SETD2: variants seen among roughly 807,000 people sequenced by gnomAD.
SETD2 encodes SET domain containing 2, histone lysine methyltransferase.
SETD2 carries 31 observed loss-of-function variants against 242.1 expected under a neutral mutation model. That is an observed-to-expected ratio of 0.13 (90% CI 0.10 to 0.17). SETD2 has a LOEUF of 0.17. Ranked by LOEUF, SETD2 falls within the 10% of genes least tolerant of loss-of-function variation. SETD2 has a pLI of 1.00. For missense variants in SETD2, 2,481 were observed against 3,046.3 expected (o/e 0.81, Z 4.37); for synonymous variants, 1,006 against 1,066.5 (o/e 0.94, Z 1.11).
intron 16 of SETD2, 35 bp downstream of exon 16, chr3:47,046,452 A>C: frequency 6.6e-7 from 1 of 1,514,316 alleles, no homozygotes; most frequent in Non-Finnish European, 8.9e-7. Flanking sequence ...CAAAGTAGAC[A>C]GCCAATGAGT....
At position 47,120,320 on chromosome 3, in the gene SETD2, G is replaced by T. The variant is rs2107740269; in HGVS notation, c.4316C>A (p.Pro1439His). The part of the protein sequence containing the change: ...VEVEQGETSV[P>H]PGSALVGPSC... ...GGGCCCAACCAGTGCTGAACCTGGG[G>T]GCACTGATGTCTCTCCCTGCTCTAC... Residue 1439 changes from proline to histidine, a missense_variant, in exon 3 of 21, where the codon CCC (proline) becomes CAC (histidine). By Grantham distance (77) the Pro-to-His change is moderately conservative. This residue lies in a region of SETD2 where 1,300 missense variants were observed against 1,259.2 expected (regional missense o/e 1.03). Transcript: ENST00000409792. 1 of 1,613,870 alleles carries T rather than the reference G, an allele frequency of 6.2e-7. No individual in the cohort carries two copies. The highest frequency in any genetic ancestry group is 8.5e-7 in the Non-Finnish European group (1 of 1,179,940).
chr3:47,099,458 T>C (rs1403153019), intron 8 of SETD2, among the ~76,000 whole-genome samples: 5 of 152,206 alleles, frequency 3.3e-5, no homozygotes, highest in Admixed American at 2.6e-4. Flanking sequence ...CCAAAGAAGA[T>C]AGACTGTTTC....
At position 47,149,474 on chromosome 3, in the gene SETD2, C is replaced by T. The variant is rs2043934572; in HGVS notation, c.71+14380G>A. ...TCCCTACACTAGACACCTCTTATAGCACTCAGCAATTTACACTTGGTTAAA... is the reference window on the plus strand; with the variant it reads ...TCCCTACACTAGACACCTCTTATAGTACTCAGCAATTTACACTTGGTTAAA... On this transcript the variant is annotated intron_variant, in intron 1 of 20. Coordinates refer to ENST00000409792, the MANE Select transcript of SETD2 (RefSeq NM_014159.7). Among the ~76,000 whole-genome samples the T allele has an allele frequency of 2.6e-5, 4 of 152,242 alleles. No individual in the cohort carries two copies. In the South Asian group the frequency reaches 8.3e-4, roughly 32 times the overall value.
Position 47,126,651 on chromosome 3 carries a change from AT to A in SETD2, c.83del (p.Asn28MetfsTer83). 1.5e-6 allele frequency: 2 copies of A among 1,345,154 alleles called. No individual in the cohort carries two copies. Among genetic ancestry groups the A allele is most frequent in the Non-Finnish European group, 2.1e-6 (2 of 963,614 alleles). 83.3% of individuals were successfully genotyped at this position (1,345,154 alleles called of 1,614,324 possible). ...TGACTAGTTAAATTATACTTACCTC[AT>A]TTTCTTCTTCTCTATTTCCATTCAG... is the stretch of plus-strand genomic sequence containing the variant. ...PEHPTPEEEE[N>X]EAKIENVQKT... On this transcript the variant is annotated frameshift_variant, in exon 2 of 21. Coordinates refer to ENST00000409792, the MANE Select transcript of SETD2 (RefSeq NM_014159.7). LOFTEE classifies it high-confidence loss of function.
At chr3:47,057,567 C>A in intron 14 of SETD2, 77 bp from the exon 15 acceptor site, 1 of 1,061,466 alleles carries the variant, frequency 9.4e-7, no homozygotes. Flanking sequence ...AGTATTATGT[C>A]ACTCATGACT....
At chr3:47,029,225 AT>A (rs1264482013) in intron 18 of SETD2, among the ~76,000 whole-genome samples, 200 of 145,748 alleles carry the variant, frequency 1.4e-3, no homozygotes, top group Non-Finnish European at 2.3e-3. Context: ...AACATGCCTA[AT>A]TTTTTTTTTT....
chr3:47,056,005 TC>T (rs1324751713), intron 15 of SETD2, among the ~76,000 whole-genome samples: 4 of 49,744 alleles, frequency 8.0e-5, no homozygotes, highest in African/African-American at 3.5e-4. Context: ...AGAGCGAGAC[TC>T]CGTCTCAAAA....
chr3:47,095,081 A>T (rs957992094), intron 9 of SETD2, among the ~76,000 whole-genome samples: 1 of 152,224 alleles, frequency 6.6e-6, no homozygotes, highest in Non-Finnish European at 1.5e-5. Flanking sequence ...AATTAGTTTT[A>T]AAAATGTGTT....
intron 9 of SETD2, among the ~76,000 whole-genome samples, chr3:47,095,601 G>C (rs1441764182): frequency 6.6e-6 from 1 of 152,088 alleles, no homozygotes; most frequent in Non-Finnish European, 1.5e-5. Flanking sequence ...TAACAGACTA[G>C]GTATGACCCA....
intron 14 of SETD2, among the ~76,000 whole-genome samples, chr3:47,059,866 C>T (rs1009601707): frequency 6.6e-6 from 1 of 152,174 alleles, no homozygotes; most frequent in African/African-American, 2.4e-5. Context: ...TCACTGCAAC[C>T]TCTGCCTCCT....
intron 18 of SETD2, among the ~76,000 whole-genome samples, chr3:47,020,796 C>T (rs1342772615): frequency 2.6e-5 from 4 of 152,112 alleles, no homozygotes; most frequent in Admixed American, 2.0e-4. Context: ...GAATAATTTT[C>T]CTGCTCCCCA....
At chr3:47,110,472 G>C (rs1002689227) in intron 5 of SETD2, among the ~76,000 whole-genome samples, 1 of 152,166 alleles carries the variant, frequency 6.6e-6, no homozygotes, top group Non-Finnish European at 1.5e-5. Context: ...ATTACATTAA[G>C]TCAACCTGGA....
intron 1 of SETD2, among the ~76,000 whole-genome samples, chr3:47,151,535 C>T (rs1445319442): frequency 6.6e-6 from 1 of 152,038 alleles, no homozygotes; most frequent in African/African-American, 2.4e-5. Flanking sequence ...TCATGATCTT[C>T]TCTAAGAGCA....
At chr3:47,054,127 G>A (rs2039960350) in intron 15 of SETD2, among the ~76,000 whole-genome samples, 1 of 152,118 alleles carries the variant, frequency 6.6e-6, no homozygotes, top group Non-Finnish European at 1.5e-5. Flanking sequence ...GGGAACGGAA[G>A]GATAGTTGAA....
At chr3:47,127,545 T>C (rs1216473708) in intron 1 of SETD2, 5 of 452,990 alleles carry the variant, frequency 1.1e-5, no homozygotes, top group South Asian at 3.1e-5. Context: ...CTGGGTAACA[T>C]AGCAAAACCT....
intron 6 of SETD2, among the ~76,000 whole-genome samples, chr3:47,104,874 C>G (rs901180457): frequency 6.6e-6 from 1 of 152,144 alleles, no homozygotes; most frequent in Non-Finnish European, 1.5e-5. Context: ...TCTGTTTTAG[C>G]CTTCGGTCTG....
At chr3:47,058,440 CAAAAA>C (rs1174283471) in intron 14 of SETD2, among the ~76,000 whole-genome samples, 3 of 21,978 alleles carry the variant, frequency 1.4e-4, no homozygotes, top group African/African-American at 2.5e-4. Flanking sequence ...GACACCGTCT[CAAAAA>C]AAAAAAAAAA....
chr3:47,114,606 C>A (rs764917140), intron 4 of SETD2, among the ~76,000 whole-genome samples: 1 of 152,016 alleles, frequency 6.6e-6, no homozygotes, highest in African/African-American at 2.4e-5. Flanking sequence ...GGGCTGAGTA[C>A]GGTGATTCAT....
intron 1 of SETD2, among the ~76,000 whole-genome samples, chr3:47,135,964 T>C (rs1006114701): frequency 2.2e-4 from 33 of 152,172 alleles, no homozygotes; most frequent in African/African-American, 8.0e-4. Context: ...ACAGACCACA[T>C]TCTTCAGTTT....
Sources: gnomAD v4.1 joint callset for allele counts (sites outside exome capture counted in the v4.1 genomes callset) on GRCh38, gnomAD v4.1.1 for gene constraint, gnomAD v4.1.1 regional missense constraint, MANE v1.5 for transcripts, NCBI Gene and HGNC (gene_info 2026-07-23, HGNC 2026-07-21) for gene names.